Variants in MGAM observed in about 807,000 individuals in gnomAD.
MGAM encodes maltase-glucoamylase.
In MGAM, 253 loss-of-function variants were observed where a neutral mutation model predicts 358.8. That is an observed-to-expected ratio of 0.71 (90% CI 0.64 to 0.78). The LOEUF is 0.78. Among genes scored for constraint, MGAM ranks in the 30% least tolerant of loss-of-function variants. MGAM has a pLI of 0.00. For synonymous variants in MGAM, 1,105 were observed against 1,227.1 expected, an observed-to-expected ratio of 0.90 and a Z score of 2.08; for missense variants, 3,080 against 3,432.6, an observed-to-expected ratio of 0.90 and a Z score of 2.57.
chr7:142,008,767 T>C (rs1554453428), intron 3 of MGAM, 62 bp downstream of exon 3: 1 of 1,546,028 alleles, frequency 6.5e-7, no homozygotes, highest in Admixed American at 1.9e-5. Context: ...TTATTTTTTT[T>C]TGTTGTTTTG....
rs554598114 is a variant in MGAM, at chr7:142,075,527, C to T, written c.5276-676C>T. Among the ~76,000 whole-genome samples, 16 of 146,372 alleles carry T rather than the reference C, an allele frequency of 1.1e-4. 1 individual carries two copies. The highest frequency in any genetic ancestry group is 3.9e-4 in the African/African-American group (16 of 41,220). Reference sequence around the variant, plus strand: ...ACTACAGAATGGATAAAAATGTTTGCAAACCATATATCTCAGAAGAGATTA... The same window carrying T: ...ACTACAGAATGGATAAAAATGTTTGTAAACCATATATCTCAGAAGAGATTA... On this transcript the variant is annotated intron_variant, in intron 45 of 70. Transcript: ENST00000475668.
Position 142,052,355 on chromosome 7 carries a change from T to C in MGAM, c.2867T>C (p.Ile956Thr). Reference protein sequence around the residue: ...LGEAYTVEWSIKIRDEEKIDC... With the variant: ...LGEAYTVEWSTKIRDEEKIDC... ...GAAGCATACACAGTGGAATGGAGCA[T>C]AAAGATAAGGGATGAAGAAAAAATA... Residue 956 changes from isoleucine (I) to threonine (T), a missense_variant, in exon 25 of 71, where the codon ATA becomes ACA. Around this residue, in one of 5 missense-constraint regions of MGAM, gnomAD observed 1,816 missense variants for 1,840.5 expected, o/e 0.99. Transcript: ENST00000475668. 2 of 1,611,374 alleles carry C rather than the reference T, an allele frequency of 1.2e-6. No homozygotes were observed. Among genetic ancestry groups the C allele is most frequent in the Non-Finnish European group, 1.7e-6 (2 of 1,178,646 alleles).
intron 52 of MGAM, among the ~76,000 whole-genome samples, chr7:142,083,028 T>C (rs578251591): frequency 6.8e-6 from 1 of 146,476 alleles, no homozygotes; most frequent in Admixed American, 6.9e-5. Flanking sequence ...TGTGAACATG[T>C]ACCTCCTTAT....
At position 142,093,282 on chromosome 7, in the gene MGAM, C is replaced by T; in HGVS notation, c.7034-130C>T. ...AGCTGGGGGCGCTGTGCTCATGTCT[C>T]TGGGAAGACGGAGAGTGACACAGGC... is the stretch of plus-strand genomic sequence containing the variant. On this transcript the variant is annotated intron_variant, in intron 59 of 70. Transcript: ENST00000475668. 3 of 1,241,962 alleles carry T rather than the reference C, an allele frequency of 2.4e-6. No homozygotes were observed. The South Asian group carries it at 4.0e-5, about 17-fold the overall frequency. The allele number at this position is 1,241,962 out of a possible 1,614,324, so 76.9% of individuals were successfully genotyped here. A position where few individuals can be genotyped will look rare whatever the true frequency, so the allele number is the denominator to read the frequency against.
rs773318610 is a variant in MGAM at position 142,074,086 on chromosome 7, C to G, written c.5188C>G (p.Arg1730Gly). 2 of 1,533,444 alleles carry G rather than the reference C, an allele frequency of 1.3e-6. 1 individual carries two copies. Among genetic ancestry groups the G allele is most frequent in the Non-Finnish European group, 1.8e-6 (2 of 1,116,018 alleles). The allele number at this position is 1,533,444 out of a possible 1,614,324, so 95.0% of individuals were successfully genotyped here. Residue 1730 changes from arginine to glycine, a missense_variant and splice_region_variant, in exon 45 of 71, where the codon CGA becomes GGA. This residue lies in a region of MGAM where 932 missense variants were observed against 1,198.2 expected (regional missense o/e 0.78). Transcript: ENST00000475668. ...QEPALNTHLS[R>G]KNPLGLIIAL... is the part of the protein sequence containing the mutation. ...TCTCTTGAATCTTGTTCCCCACAGT[C>G]GAAAGAACCCTCTTGGTCTTATTAT...
At chr7:142,033,110 G>T (rs893744702) in intron 14 of MGAM, among the ~76,000 whole-genome samples, 4 of 152,108 alleles carry the variant, frequency 2.6e-5, no homozygotes, top group Admixed American at 6.5e-5. Flanking sequence ...AAATTCAAAA[G>T]GGGCAATCTA....
upstream of MGAM, among the ~76,000 whole-genome samples, chr7:141,992,738 C>T (rs1337823331): frequency 6.6e-6 from 1 of 152,088 alleles, no homozygotes; most frequent in Non-Finnish European, 1.5e-5. Context: ...TGGACCACCA[C>T]ACTCAGCTGA....
At position 142,088,743 on chromosome 7, in the gene MGAM, GTCTGTCTATCTATCTATCTA is replaced by G. The variant is rs1482439407; in HGVS notation, c.6810+2030_6810+2049del. Among the ~76,000 whole-genome samples, 137 of 96,842 alleles carry G rather than the reference GTCTGTCTATCTATCTATCTA, an allele frequency of 1.4e-3. 3 individuals carry two copies. Among genetic ancestry groups the G allele is most frequent in the African/African-American group, 4.8e-3 (104 of 21,788 alleles). The allele number at this position is 96,842 out of a possible 152,430, so 63.5% of individuals were successfully genotyped here. A position where few individuals can be genotyped will look rare whatever the true frequency, so the allele number is the denominator to read the frequency against. On this transcript the variant is annotated intron_variant, in intron 57 of 70. Coordinates refer to ENST00000475668, the MANE Select transcript of MGAM (RefSeq NM_001365693.1). ...TTTATGTCTGTCTGTCTGTCTGTCT[GTCTGTCTATCTATCTATCTA>G]TCTATCTATCTATCTATCTATCTAT...
intron 3 of MGAM, among the ~76,000 whole-genome samples, chr7:142,017,774 A>T (rs560915082): frequency 6.6e-6 from 1 of 152,322 alleles, no homozygotes; most frequent in South Asian, 2.1e-4. Context: ...AGTGTAAAAA[A>T]TAGCATTTAA....
At position 142,078,430 on chromosome 7, in the gene MGAM, A is replaced by G; in HGVS notation, c.5606A>G (p.Asp1869Gly). 6.5e-7 allele frequency: 1 copy of G among 1,544,290 alleles called. No homozygotes were observed. Among genetic ancestry groups the G allele is most frequent in the Non-Finnish European group, 8.9e-7 (1 of 1,126,150 alleles). The change falls in exon 48 of 71, where the codon GAT becomes GGT. Residue 1869 changes from aspartate (D) to glycine (G), a missense_variant. Coordinates refer to ENST00000475668, the MANE Select transcript of MGAM (RefSeq NM_001365693.1). ...GACTGTTACCCTGATGAGAATGGTG[A>G]TTCTGCAGAAAACTGCACTGCCCGT... ...KIDCYPDENG[D>G]SAENCTARGC...
chr7:142,002,177 G>T (rs1285939), intron 1 of MGAM, among the ~76,000 whole-genome samples: 67,475 of 151,916 alleles, frequency 0.44, 16,111 homozygotes, highest in East Asian at 0.66. Context: ...AAATAGAGTA[G>T]TGTGAGATTT....
At chr7:141,994,224 G>A (rs1804075146), upstream of MGAM, among the ~76,000 whole-genome samples, 1 of 152,148 alleles carries the variant, frequency 6.6e-6, no homozygotes, top group Non-Finnish European at 1.5e-5. Flanking sequence ...AGCTCCATAA[G>A]TTCTTCTTGC....
chr7:142,065,638 A>T lies in MGAM; in HGVS notation c.4653+16A>T, dbSNP rs1190385808. The T allele has an allele frequency of 1.2e-6, 2 of 1,613,190 alleles. No individual in the cohort carries two copies. The highest frequency in any genetic ancestry group is 3.3e-5 in the Admixed American group (2 of 59,970). On this transcript the variant is annotated intron_variant, in intron 39 of 70. Coordinates refer to ENST00000475668, the MANE Select transcript of MGAM (RefSeq NM_001365693.1). Reference sequence around the variant, plus strand: ...CATATCCTATGTGAGTGTCCTTGGGATCCTCCTAAGCACCAAGAAGGTGGG... The same window carrying T: ...CATATCCTATGTGAGTGTCCTTGGGTTCCTCCTAAGCACCAAGAAGGTGGG...
intron 3 of MGAM, among the ~76,000 whole-genome samples, chr7:142,015,922 T>A (rs1218846567): frequency 6.6e-6 from 1 of 152,096 alleles, no homozygotes; most frequent in Non-Finnish European, 1.5e-5. Flanking sequence ...GAGTTTTTTT[T>A]AATGAATCAC....
chr7:142,019,173 C>A (rs782693116), intron 3 of MGAM, 26 bp from the exon 4 acceptor site: 64 of 1,607,288 alleles, frequency 4.0e-5, no homozygotes, highest in Non-Finnish European at 5.3e-5. Context: ...CTAAATGGAG[C>A]TTCTTTGACT....
intron 70 of MGAM, among the ~76,000 whole-genome samples, chr7:142,105,024 A>C (rs558160825): frequency 4.6e-5 from 7 of 152,248 alleles, no homozygotes; most frequent in African/African-American, 1.4e-4. Flanking sequence ...ACCATAAAGG[A>C]CTTTGCCCAA....
intron 21 of MGAM, among the ~76,000 whole-genome samples, chr7:142,041,944 A>AT (rs1480348335): frequency 6.7e-4 from 11 of 16,450 alleles, no homozygotes; most frequent in East Asian, 1.5e-3. Flanking sequence ...TATATTATAT[A>AT]TATACATATA....
rs192743060 is a variant in MGAM, at chr7:142,023,548, G to A, written c.882+1109G>A. On this transcript the variant is annotated intron_variant, in intron 7 of 70. Transcript: ENST00000475668. ...TTAGAAAAAACCAAGGCCCAGCGAA[G>A]CCAAATTAATAGCTCAAGGCAAAAG... 4.6e-5 allele frequency among the ~76,000 whole-genome samples: 7 copies of A among 152,086 alleles called. No individual in the cohort carries two copies. In the East Asian group the frequency reaches 1.4e-3, roughly 29 times the overall value.
Position 142,069,217 on chromosome 7 carries a change from C to T in MGAM, c.5061+514C>T, listed in dbSNP as rs540202477. ...AAGTGATTAGGCAATGTGCAAAACACACACAGAGGTATGGGACCCAACCCT... is the reference window on the plus strand; with the variant it reads ...AAGTGATTAGGCAATGTGCAAAACATACACAGAGGTATGGGACCCAACCCT... On this transcript the variant is annotated intron_variant, in intron 43 of 70. Transcript: ENST00000475668. Among the ~76,000 whole-genome samples the T allele has an allele frequency of 4.8e-5, 7 of 146,180 alleles. 1 individual carries two copies. The East Asian group carries it at 1.4e-3, about 30-fold the overall frequency.
Sources: allele counts gnomAD v4.1 joint callset (sites outside exome capture counted in the v4.1 genomes callset), GRCh38; gene constraint gnomAD v4.1.1; regional missense constraint gnomAD v4.1.1; transcripts MANE v1.5; gene names NCBI Gene and HGNC (gene_info 2026-07-23, HGNC 2026-07-21).